FOXP2: variants seen among roughly 807,000 people sequenced by gnomAD.
FOXP2 encodes forkhead box P2.
In FOXP2, 12 loss-of-function variants were observed where a neutral mutation model predicts 115.8. That is an observed-to-expected ratio of 0.10 (90% CI 0.07 to 0.17). The LOEUF (loss-of-function observed/expected upper bound fraction) is 0.17. Ranked by LOEUF, FOXP2 falls within the 10% of genes least tolerant of loss-of-function variation. FOXP2 has a pLI of 1.00. For synonymous variants in FOXP2, 328 were observed against 297.7 expected, an observed-to-expected ratio of 1.10 and a Z score of -1.05; for missense variants, 629 against 843.5, an observed-to-expected ratio of 0.75 and a Z score of 3.15.
At chr7:114,411,570 T>C (rs894919840), upstream of FOXP2, among the ~76,000 whole-genome samples, 1 of 152,166 alleles carries the variant, frequency 6.6e-6, no homozygotes, top group Non-Finnish European at 1.5e-5. Flanking sequence ...ATTTCATCTT[T>C]TATCTGTTTG....
chr7:114,489,984 C>T (rs1346825899), intron 2 of FOXP2, among the ~76,000 whole-genome samples: 1 of 152,058 alleles, frequency 6.6e-6, no homozygotes, highest in Admixed American at 6.6e-5. Context: ...TGGTGAAATG[C>T]GGAAATGGTA....
intron 1 of FOXP2, among the ~76,000 whole-genome samples, chr7:114,103,523 C>T (rs965224617): frequency 7.2e-5 from 11 of 151,890 alleles, no homozygotes; most frequent in African/African-American, 2.4e-4. Context: ...TTGTAGATTA[C>T]ACAATTTCAG....
At chr7:114,432,849 C>T (rs781543060) in intron 2 of FOXP2, among the ~76,000 whole-genome samples, 4 of 151,912 alleles carry the variant, frequency 2.6e-5, no homozygotes, top group African/African-American at 7.2e-5. Flanking sequence ...AGTTGATGTG[C>T]GTTGTCTTCC....
chr7:114,627,938 A>T (rs1315029182), intron 3 of FOXP2, among the ~76,000 whole-genome samples: 1 of 151,584 alleles, frequency 6.6e-6, no homozygotes, highest in East Asian at 1.9e-4. Context: ...ACACACACAC[A>T]CATATATATA....
chr7:114,528,316 C>CA (rs796508105), intron 2 of FOXP2, among the ~76,000 whole-genome samples: 2 of 151,990 alleles, frequency 1.3e-5, no homozygotes, highest in African/African-American at 2.4e-5. Context: ...AGCTTCTCAA[C>CA]AAAAAATAAT....
At chr7:114,405,652 T>C (rs550636277) in intron 2 of FOXP2, among the ~76,000 whole-genome samples, 1 of 151,894 alleles carries the variant, frequency 6.6e-6, no homozygotes, top group African/African-American at 2.4e-5. Flanking sequence ...TAAGAAATAG[T>C]AGTGTTTAAA....
At chr7:114,330,311 C>T (rs1404140958) in intron 2 of FOXP2, among the ~76,000 whole-genome samples, 6 of 151,500 alleles carry the variant, frequency 4.0e-5, no homozygotes, top group Non-Finnish European at 1.5e-5. Context: ...TGAAATATGG[C>T]AAAGATAAAG....
intron 2 of FOXP2, among the ~76,000 whole-genome samples, chr7:114,513,768 A>T (rs1798189688): frequency 1.3e-5 from 2 of 152,230 alleles, no homozygotes; most frequent in South Asian, 4.1e-4. Flanking sequence ...TCAGCTAAAA[A>T]GTCCTAATTT....
At chr7:114,219,663 T>C (rs1265339276) in intron 1 of FOXP2, among the ~76,000 whole-genome samples, 3 of 152,226 alleles carry the variant, frequency 2.0e-5, no homozygotes, top group East Asian at 1.9e-4. Context: ...TCTACACTTA[T>C]ATTTTAGTGA....
intron 2 of FOXP2, among the ~76,000 whole-genome samples, chr7:114,377,858 C>T (rs1330276157): frequency 6.6e-6 from 1 of 152,188 alleles, no homozygotes; most frequent in Admixed American, 6.5e-5. Context: ...GCCTCACTGT[C>T]ATTTACTCAC....
chr7:114,315,258 A>G (rs945124569), intron 2 of FOXP2, among the ~76,000 whole-genome samples: 1 of 152,222 alleles, frequency 6.6e-6, no homozygotes, highest in African/African-American at 2.4e-5. Flanking sequence ...TAGGCATTGT[A>G]TTAGGCACAT....
chr7:114,231,679 A>G (rs924442712), intron 1 of FOXP2, among the ~76,000 whole-genome samples: 34 of 152,228 alleles, frequency 2.2e-4, no homozygotes, highest in Admixed American at 1.4e-3. Flanking sequence ...ATGCCGAATA[A>G]TGAAATTGGA....
At chr7:114,367,984 A>T (rs1791920698) in intron 2 of FOXP2, among the ~76,000 whole-genome samples, 1 of 152,214 alleles carries the variant, frequency 6.6e-6, no homozygotes, top group Non-Finnish European at 1.5e-5. Context: ...ACTACACAGA[A>T]ATTAGTGAAA....
intron 2 of FOXP2, among the ~76,000 whole-genome samples, chr7:114,487,249 G>C (rs1054595366): frequency 1.3e-5 from 2 of 152,130 alleles, no homozygotes; most frequent in Non-Finnish European, 2.9e-5. Flanking sequence ...CCAAGGCTTG[G>C]GGCTTGAAAC....
At chr7:114,423,836 C>A (rs879544359) in intron 1 of FOXP2, among the ~76,000 whole-genome samples, 2 of 151,386 alleles carry the variant, frequency 1.3e-5, no homozygotes, top group Admixed American at 1.3e-4. Flanking sequence ...TGAAAAATTC[C>A]TCCTTTATAG....
chr7:114,659,131 G>A (rs1036744361), intron 11 of FOXP2, among the ~76,000 whole-genome samples: 2 of 152,230 alleles, frequency 1.3e-5, no homozygotes, highest in East Asian at 1.9e-4. Context: ...CCAGCAGGTC[G>A]CACAGTTCCT....
chr7:114,089,447 A>G (rs1004222129), intron 1 of FOXP2, among the ~76,000 whole-genome samples: 1 of 152,094 alleles, frequency 6.6e-6, no homozygotes, highest in Non-Finnish European at 1.5e-5. Flanking sequence ...AAAAGGAAAC[A>G]TAGACATATA....
At chr7:114,688,222 CACACACACACA>C (rs1808473079) in intron 16 of FOXP2, among the ~76,000 whole-genome samples, 1 of 113,952 alleles carries the variant, frequency 8.8e-6, no homozygotes, top group Admixed American at 8.9e-5. Context: ...CACACACACA[CACACACACACA>C]CACACACACA....
intron 3 of FOXP2, chr7:114,613,855 G>A (rs1803774244): frequency 6.6e-6 from 1 of 151,804 alleles, no homozygotes. Flanking sequence ...ACCCTGCTTA[G>A]CTTCCGAGAT....
Sources: allele counts gnomAD v4.1 joint callset (sites outside exome capture counted in the v4.1 genomes callset), GRCh38; gene constraint gnomAD v4.1.1; transcripts MANE v1.5; gene names NCBI Gene and HGNC (gene_info 2026-07-23, HGNC 2026-07-21).